Variants in GTF2F2 observed in about 807,000 individuals in gnomAD.
GTF2F2 encodes ATP-dependent helicase GTF2F2.
In GTF2F2, 23 loss-of-function variants were observed where a neutral mutation model predicts 42.2. The ratio of observed to expected loss-of-function variants is 0.55; its 90% CI spans 0.39 to 0.77. GTF2F2 has a LOEUF of 0.77. Among genes scored for constraint, GTF2F2 ranks in the 30% least tolerant of loss-of-function variants. The pLI, the probability that GTF2F2 is intolerant of heterozygous loss-of-function variation, is 0.00. For synonymous variants in GTF2F2, 105 were observed against 100.8 expected, an observed-to-expected ratio of 1.04 and a Z score of -0.25; for missense variants, 261 against 287.2, an observed-to-expected ratio of 0.91 and a Z score of 0.66.
chr13:45,215,492 G>T (rs2138198995), intron 5 of GTF2F2, among the ~76,000 whole-genome samples: 1 of 152,324 alleles, frequency 6.6e-6, no homozygotes, highest in East Asian at 1.9e-4. Flanking sequence ...GGGCGTGATG[G>T]CTCATGCCAG....
intron 5 of GTF2F2, among the ~76,000 whole-genome samples, chr13:45,248,463 G>T (rs1200140573): frequency 6.6e-6 from 1 of 151,276 alleles, no homozygotes; most frequent in Non-Finnish European, 1.5e-5. Context: ...TGTGTGTTTT[G>T]TTTTTTTGGT....
At chr13:45,274,495 T>C (rs1350577076) in intron 7 of GTF2F2, among the ~76,000 whole-genome samples, 1 of 151,818 alleles carries the variant, frequency 6.6e-6, no homozygotes, top group Non-Finnish European at 1.5e-5. Flanking sequence ...CCTAGCTAAT[T>C]TTTTTGTATA....
At chr13:45,159,596 CA>C (rs1436702711) in intron 4 of GTF2F2, among the ~76,000 whole-genome samples, 5 of 152,142 alleles carry the variant, frequency 3.3e-5, no homozygotes, top group Non-Finnish European at 4.4e-5. Flanking sequence ...ACTAAAAATA[CA>C]AAAAATTACA....
chr13:45,142,312 G>A (rs1376872312), intron 2 of GTF2F2, among the ~76,000 whole-genome samples: 3 of 152,070 alleles, frequency 2.0e-5, no homozygotes, highest in African/African-American at 7.2e-5. Context: ...GATTATAGGC[G>A]CCTGCCACCA....
intron 4 of GTF2F2, among the ~76,000 whole-genome samples, chr13:45,200,547 G>C (rs1204221694): frequency 6.6e-6 from 1 of 152,144 alleles, no homozygotes; most frequent in African/African-American, 2.4e-5. Context: ...TGCTGCCTCA[G>C]CCTCCCAAAG....
intron 1 of GTF2F2, among the ~76,000 whole-genome samples, chr13:45,125,557 C>T (rs1359313099): frequency 2.0e-5 from 3 of 152,086 alleles, no homozygotes; most frequent in African/African-American, 2.4e-5. Flanking sequence ...TGACCTCGTT[C>T]GTGATCTGCC....
At chr13:45,164,952 G>A (rs985042988) in intron 4 of GTF2F2, among the ~76,000 whole-genome samples, 1 of 152,178 alleles carries the variant, frequency 6.6e-6, no homozygotes, top group Admixed American at 6.5e-5. Context: ...TTGTTTGGAA[G>A]AATTGAAGGA....
chr13:45,141,301 C>T lies in GTF2F2; in HGVS notation c.140+4495C>T, dbSNP rs193272625. 3.5e-3 allele frequency among the ~76,000 whole-genome samples: 534 copies of T among 152,278 alleles called. 2 individuals carry two copies. Among genetic ancestry groups the T allele is most frequent in the African/African-American group, 0.012 (478 of 41,556 alleles). ...TAAATAAGCAATAATGGGCATGCTG[C>T]AATTTTTCCTTATGAATCCTTGCTT... On this transcript the variant is annotated intron_variant, in intron 2 of 7. Coordinates refer to ENST00000340473, the MANE Select transcript of GTF2F2 (RefSeq NM_004128.3).
chr13:45,203,379 C>G (rs1593489515), intron 4 of GTF2F2, among the ~76,000 whole-genome samples: 1 of 152,214 alleles, frequency 6.6e-6, no homozygotes, highest in African/African-American at 2.4e-5. Context: ...GCCACTGCAC[C>G]TGGCCCCATG....
At chr13:45,234,742 G>A (rs1304233878) in intron 5 of GTF2F2, among the ~76,000 whole-genome samples, 2 of 151,954 alleles carry the variant, frequency 1.3e-5, no homozygotes. Context: ...ATGCACTTTG[G>A]GCAGCTTACA....
At chr13:45,121,205 G>C (rs1466201800) in intron 1 of GTF2F2, among the ~76,000 whole-genome samples, 3 of 152,192 alleles carry the variant, frequency 2.0e-5, no homozygotes, top group Non-Finnish European at 4.4e-5. Context: ...AAAGAGGCGA[G>C]AGAGCCCCAA....
intron 5 of GTF2F2, among the ~76,000 whole-genome samples, chr13:45,236,310 A>G (rs1160567581): frequency 6.6e-6 from 1 of 152,156 alleles, no homozygotes; most frequent in Non-Finnish European, 1.5e-5. Context: ...TCTAAATGGG[A>G]GAGTTTAAGC....
chr13:45,152,449 C>A (rs1230623287), intron 4 of GTF2F2, among the ~76,000 whole-genome samples: 1 of 152,156 alleles, frequency 6.6e-6, no homozygotes, highest in East Asian at 1.9e-4. Flanking sequence ...AAATAGTATT[C>A]TGAATTTTGC....
chr13:45,236,686 G>C (rs1175790323), intron 5 of GTF2F2, among the ~76,000 whole-genome samples: 1 of 152,120 alleles, frequency 6.6e-6, no homozygotes, highest in Admixed American at 6.6e-5. Flanking sequence ...AAATAATCTA[G>C]AGCTGTATAG....
chr13:45,166,703 G>T (rs115245213), intron 4 of GTF2F2, among the ~76,000 whole-genome samples: 1,907 of 152,256 alleles, frequency 0.013, 43 homozygotes, highest in African/African-American at 0.04. Flanking sequence ...GGTGGTATGA[G>T]AATTCGTATG....
chr13:45,271,067 C>A (rs910607532), intron 7 of GTF2F2, among the ~76,000 whole-genome samples: 3 of 151,952 alleles, frequency 2.0e-5, no homozygotes, highest in African/African-American at 7.3e-5. Flanking sequence ...CTGAGGCGGG[C>A]AGATCACGAG....
intron 5 of GTF2F2, among the ~76,000 whole-genome samples, chr13:45,237,119 C>A (rs1243873638): frequency 6.6e-6 from 1 of 152,056 alleles, no homozygotes; most frequent in Non-Finnish European, 1.5e-5. Flanking sequence ...TCAGTGAATT[C>A]TTTGAATCAG....
chr13:45,272,429 AAAAAAAAAAAAC>A (rs1414337570), intron 7 of GTF2F2, among the ~76,000 whole-genome samples: 8 of 142,938 alleles, frequency 5.6e-5, no homozygotes, highest in African/African-American at 2.2e-4. Flanking sequence ...CTCTTTAAAA[AAAAAAAAAAAAC>A]AAAAAAAAAA....
chr13:45,281,273 A>G (rs1275951901), intron 7 of GTF2F2, among the ~76,000 whole-genome samples: 1 of 152,174 alleles, frequency 6.6e-6, no homozygotes, highest in East Asian at 1.9e-4. Context: ...TGGCATGGGA[A>G]GGCTGCCCAC....
Sources: allele counts gnomAD v4.1 joint callset (sites outside exome capture counted in the v4.1 genomes callset), GRCh38; gene constraint gnomAD v4.1.1; transcripts MANE v1.5; gene names NCBI Gene and HGNC (gene_info 2026-07-23, HGNC 2026-07-21).